HAP1: variants seen among roughly 807,000 people sequenced by gnomAD.
HAP1 encodes huntingtin associated protein 1.
In HAP1, 59 loss-of-function variants were observed where a neutral mutation model predicts 60.3. The ratio of observed to expected loss-of-function variants is 0.98; its 90% CI spans 0.79 to 1.22. The LOEUF (loss-of-function observed/expected upper bound fraction) is 1.22. Among genes scored for constraint, HAP1 ranks in the 50% most tolerant of loss-of-function variants. The pLI is 0.00. For synonymous variants in HAP1, 346 were observed against 330.6 expected, an observed-to-expected ratio of 1.05 and a Z score of -0.50; for missense variants, 825 against 785.3, an observed-to-expected ratio of 1.05 and a Z score of -0.60.
chr17:41,727,689 C>T (rs936849247), intron 8 of HAP1, 73 bp downstream of exon 8: 2 of 963,952 alleles, frequency 2.1e-6, no homozygotes, highest in Non-Finnish European at 3.3e-6. Context: ...CAGGTAGCTG[C>T]CAAGGGCCTG....
chr17:41,732,278 C>T lies in HAP1; in HGVS notation c.666G>A (p.Met222Ile). ...QSLVKQNSVL[M>I]EENSKLEALL... ...GGGCTTCCAGCTTGCTGTTCTCCTC[C>T]ATCAAAACACTGTTCTGTTTCACCA... Residue 222 changes from methionine to isoleucine, a missense_variant, in exon 3 of 11, where the codon ATG (methionine) becomes ATA (isoleucine). Physicochemically the swap from Met to Ile is conservative, Grantham distance 10 (BLOSUM62 1). Transcript: ENST00000347901. 1.2e-6 allele frequency: 2 copies of T among 1,614,128 alleles called. No individual in the cohort carries two copies. The highest frequency in any genetic ancestry group is 2.2e-5 in the East Asian group (1 of 44,876).
At chr17:41,731,313 T>C (rs2143249012) in intron 6 of HAP1, among the ~76,000 whole-genome samples, 180 bp downstream of exon 6, 1 of 152,338 alleles carries the variant, frequency 6.6e-6, no homozygotes, top group South Asian at 2.1e-4. Context: ...TCAGTGGGGC[T>C]GAGAAAATTA....
At chr17:41,728,507 T>C (rs1555589647) in intron 6 of HAP1, among the ~76,000 whole-genome samples, 176 bp from the exon 7 acceptor site, 1 of 152,196 alleles carries the variant, frequency 6.6e-6, no homozygotes, top group East Asian at 1.9e-4. Flanking sequence ...CATTGACTGA[T>C]ACTGAGCAGG....
downstream of HAP1, among the ~76,000 whole-genome samples, chr17:41,718,745 G>A (rs545325057): frequency 6.6e-6 from 1 of 152,316 alleles, no homozygotes; most frequent in East Asian, 1.9e-4. Flanking sequence ...CTACGTAAAT[G>A]AAATTGTCAT....
chr17:41,725,649 C>T (rs1162969847), intron 10 of HAP1, among the ~76,000 whole-genome samples: 2 of 152,182 alleles, frequency 1.3e-5, no homozygotes, highest in Non-Finnish European at 2.9e-5. Context: ...CTTCAGTCCC[C>T]ACTCAGAGCT....
chr17:41,720,795 ATTC>A (rs1911167135), downstream of HAP1: 2 of 135,550 alleles, frequency 1.5e-5, no homozygotes, highest in South Asian at 2.2e-4. Context: ...TCTGAGATAT[ATTC>A]TTTTTTTTTT....
intron 6 of HAP1, 54 bp downstream of exon 6, chr17:41,731,439 T>A (rs1478875384): frequency 8.1e-7 from 1 of 1,235,272 alleles, no homozygotes; most frequent in Non-Finnish European, 1.2e-6. Context: ...CATCTTGAGT[T>A]CTTTTCTCTG....
In HAP1 at chr17:41,725,154, C is replaced by G. The variant is rs1472202050; in HGVS notation, c.1407G>C (p.Arg469Ser). Residue 469 changes from arginine to serine, a missense_variant and splice_region_variant, in exon 11 of 11, where the codon AGG (arginine) becomes AGC (serine). Transcript: ENST00000347901. ...EMPRGDTSSLRYDFRYSEDRE... is the reference protein window; with the variant it reads ...EMPRGDTSSLSYDFRYSEDRE... Reference sequence around the variant, plus strand: ...GATCCTCACTGTAGCGAAAATCATACCTGGGCGGGAGATAGCGACATCTTT... The same window carrying G: ...GATCCTCACTGTAGCGAAAATCATAGCTGGGCGGGAGATAGCGACATCTTT... 5.1e-6 allele frequency: 8 copies of G among 1,571,866 alleles called. No individual in the cohort carries two copies. Among genetic ancestry groups the G allele is most frequent in the Middle Eastern group, 1.7e-4 (1 of 5,870 alleles).
At position 41,724,138 on chromosome 17, in the gene HAP1, G is replaced by C. The variant is rs1227217920; in HGVS notation, c.*563C>G. ...TTTCTGGCTGGGGAGAGGAGACCCT[G>C]TTCCACCCCACAACCCTGCAGGAGG... On this transcript the variant is annotated 3_prime_UTR_variant, in exon 11 of 11. Transcript: ENST00000347901. 1 of 153,526 alleles carries C rather than the reference G, an allele frequency of 6.5e-6. No individual in the cohort carries two copies. Among genetic ancestry groups the C allele is most frequent in the Non-Finnish European group, 1.5e-5 (1 of 68,722 alleles). 9.5% of individuals were successfully genotyped at this position (153,526 alleles called of 1,614,324 possible).
chr17:41,728,384 A>C, intron 6 of HAP1, 53 bp from the exon 7 acceptor site: 1 of 1,574,248 alleles, frequency 6.4e-7, no homozygotes, highest in Non-Finnish European at 8.7e-7. Context: ...TTCAGGGACC[A>C]GCTCTGGCCC....
At chr17:41,733,352 C>CATTTT in intron 1 of HAP1, among the ~76,000 whole-genome samples, 1 of 74,674 alleles carries the variant, frequency 1.3e-5, no homozygotes, top group East Asian at 4.5e-4. Flanking sequence ...CCGCGCCCGG[C>CATTTT]TTTTTTTTTT....
intron 1 of HAP1, 65 bp downstream of exon 1, chr17:41,734,101 G>C: frequency 1.5e-6 from 2 of 1,357,434 alleles, no homozygotes; most frequent in East Asian, 2.4e-5. Context: ...GACCCGATGG[G>C]GCCACTTCCT....
At chr17:41,734,119 G>A in intron 1 of HAP1, 47 bp downstream of exon 1, 1 of 1,469,234 alleles carries the variant, frequency 6.8e-7, no homozygotes. Flanking sequence ...CCTCCCTGGA[G>A]TTGCCCCAGT....
chr17:41,725,159 G>A lies in HAP1; in HGVS notation c.1407-5C>T, dbSNP rs1415207005. 6.4e-7 allele frequency: 1 copy of A among 1,560,768 alleles called. No individual in the cohort carries two copies. The highest frequency in any genetic ancestry group is 1.4e-5 in the African/African-American group (1 of 73,846). Reference sequence around the variant, plus strand: ...TCACTGTAGCGAAAATCATACCTGGGCGGGAGATAGCGACATCTTTTGAGG... The same window carrying A: ...TCACTGTAGCGAAAATCATACCTGGACGGGAGATAGCGACATCTTTTGAGG... On this transcript the variant is annotated splice_region_variant and splice_polypyrimidine_tract_variant and intron_variant, in intron 10 of 10. Transcript: ENST00000347901.
Position 41,731,507 on chromosome 17 carries a change from C to T in HAP1, c.1055G>A (p.Cys352Tyr), listed in dbSNP as rs541151556. ...ACATTACGTACAAAACTGCTCCACACACTCCAGAATGAGCATCTGTTCCTC... is the reference window on the plus strand; with the variant it reads ...ACATTACGTACAAAACTGCTCCACATACTCCAGAATGAGCATCTGTTCCTC... ...EDEEQMLILE[C>Y]VEQFSEASQQ... The change falls in exon 6 of 11, where the codon TGT (cysteine) becomes TAT (tyrosine). Residue 352 changes from cysteine to tyrosine, a missense_variant. Physicochemically the swap from Cys to Tyr is radical, Grantham distance 194. Coordinates refer to ENST00000347901, the MANE Select transcript of HAP1 (RefSeq NM_177977.3). The T allele has an allele frequency of 2.5e-6, 4 of 1,611,132 alleles. No homozygotes were observed. In the African/African-American group the frequency reaches 5.3e-5, roughly 21 times the overall value.
chr17:41,731,748 G>C lies in HAP1; in HGVS notation c.897-5C>G. ...AGCAATGCCTCCTGCGAAATCCTAG[G>C]GGAGGGAGGAATGGGAGTCAGGGTG... On this transcript the variant is annotated splice_polypyrimidine_tract_variant and splice_region_variant and intron_variant, in intron 4 of 10. Coordinates refer to ENST00000347901, the MANE Select transcript of HAP1 (RefSeq NM_177977.3). 1 of 1,606,556 alleles carries C rather than the reference G, an allele frequency of 6.2e-7. No homozygotes were observed. The highest frequency in any genetic ancestry group is 8.5e-7 in the Non-Finnish European group (1 of 1,173,476).
intron 1 of HAP1, 43 bp from the exon 2 acceptor site, chr17:41,732,841 A>G: frequency 9.1e-7 from 1 of 1,098,572 alleles, no homozygotes; most frequent in African/African-American, 1.5e-5. Flanking sequence ...CAGCCAGGTC[A>G]GGAAAAAGGA....
downstream of HAP1, chr17:41,718,292 A>G (rs1911062777): frequency 4.9e-6 from 1 of 206,098 alleles, no homozygotes; most frequent in African/African-American, 2.2e-5. Context: ...ATTTGTAGGC[A>G]AGATAAAGGA....
chr17:41,727,697 C>G, intron 8 of HAP1, 65 bp downstream of exon 8: 1 of 1,077,264 alleles, frequency 9.3e-7, no homozygotes, highest in South Asian at 1.3e-5. Flanking sequence ...TGCCAAGGGC[C>G]TGGGGTCCCC....
Sources: gnomAD v4.1 joint callset for allele counts (sites outside exome capture counted in the v4.1 genomes callset) on GRCh38, gnomAD v4.1.1 for gene constraint, MANE v1.5 for transcripts, NCBI Gene and HGNC (gene_info 2026-07-23, HGNC 2026-07-21) for gene names.